PRNP: variants seen among roughly 807,000 people sequenced by gnomAD.
The protein encoded by PRNP is major prion protein.
Under a neutral mutation model 21.3 loss-of-function variants are expected in PRNP, and 15 were observed. The ratio of observed to expected loss-of-function variants is 0.71; its 90% CI spans 0.47 to 1.09. The LOEUF (loss-of-function observed/expected upper bound fraction) is 1.09, where lower values mean the gene tolerates loss of function less well. Ranked by LOEUF, PRNP falls within the 50% of genes least tolerant of loss-of-function variation. PRNP has a pLI of 0.00. For synonymous variants in PRNP, 121 were observed against 123.1 expected (o/e 0.98, Z 0.11); for missense variants, 285 against 340.9 (o/e 0.84, Z 1.29).
Position 4,701,453 on chromosome 20 carries a change from C to G in PRNP, c.*1471C>G, listed in dbSNP as rs1351060814. On this transcript the variant is annotated 3_prime_UTR_variant, in exon 2 of 2. Coordinates refer to ENST00000379440, the MANE Select transcript of PRNP (RefSeq NM_000311.5). The surrounding 1 kb of genome is among the most constrained non-coding windows in gnomAD (Gnocchi z 4.2). ...TCATGTAAGAATCCAAAGTGGACAC[C>G]ATTAACAGGTCTTTGAAATATGCAT... 2.4e-5 allele frequency: 4 copies of G among 167,000 alleles called. No individual in the cohort carries two copies. The highest frequency in any genetic ancestry group is 2.0e-4 in the Admixed American group (3 of 15,266). The allele number at this position is 167,000 out of a possible 1,614,324, so 10.3% of individuals were successfully genotyped here.
rs1922378268 is a variant in PRNP at position 4,699,297 on chromosome 20, C to G, written c.77C>G (p.Pro26Arg). 1 of 1,613,946 alleles carries G rather than the reference C, an allele frequency of 6.2e-7. No individual in the cohort carries two copies. Among genetic ancestry groups the G allele is most frequent in the Non-Finnish European group, 8.5e-7 (1 of 1,180,048 alleles). Residue 26 changes from proline to arginine, a missense_variant, in exon 2 of 2, where the codon CCG becomes CGG. Physicochemically the swap from Pro to Arg is moderately radical, Grantham distance 103. Coordinates refer to ENST00000379440, the MANE Select transcript of PRNP (RefSeq NM_000311.5). This position sits in a 1 kb window ranked among gnomAD's most constrained non-coding sequence, Gnocchi z 5.8. Reference protein sequence around the residue: ...WSDLGLCKKRPKPGGWNTGGS... With the variant: ...WSDLGLCKKRRKPGGWNTGGS... ...GACCTGGGCCTCTGCAAGAAGCGCC[C>G]GAAGCCTGGAGGATGGAACACTGGG...
rs966503161 is a variant in PRNP at position 4,697,132 on chromosome 20, A to G, written c.-10-2079A>G. Among the ~76,000 whole-genome samples, 10 of 152,354 alleles carry G rather than the reference A, an allele frequency of 6.6e-5. No individual in the cohort carries two copies. The highest frequency in any genetic ancestry group is 2.4e-4 in the African/African-American group (10 of 41,582). On this transcript the variant is annotated intron_variant, in intron 1 of 1. Transcript: ENST00000379440. This position sits in a 1 kb window ranked among gnomAD's most constrained non-coding sequence, Gnocchi z 4.6. ...TTTATTTAACTGAATTGAAAATGTT[A>G]GCTGGCCATTGTCAAAAATACTATT...
chr20:4,687,264 G>T (rs1373668248), intron 1 of PRNP, among the ~76,000 whole-genome samples: 1 of 152,220 alleles, frequency 6.6e-6, no homozygotes, highest in East Asian at 1.9e-4. Context: ...GGGCCTCGGC[G>T]GGGGCGGGGT....
In PRNP at chr20:4,699,795, C is replaced by G; in HGVS notation, c.575C>G (p.Thr192Ser). 6.2e-7 allele frequency: 1 copy of G among 1,613,948 alleles called. No individual in the cohort carries two copies. Among genetic ancestry groups the G allele is most frequent in the Non-Finnish European group, 8.5e-7 (1 of 1,179,992 alleles). The change falls in exon 2 of 2, where the codon ACC (threonine) becomes AGC (serine). Residue 192 changes from threonine to serine, a missense_variant. By Grantham distance (58) the Thr-to-Ser change is moderately conservative. Transcript: ENST00000379440. This position sits in a 1 kb window ranked among gnomAD's most constrained non-coding sequence, Gnocchi z 5.8. ...ATCAAGCAGCACACGGTCACCACAA[C>G]CACCAAGGGGGAGAACTTCACCGAG... is the stretch of plus-strand genomic sequence containing the variant. ...ITIKQHTVTT[T>S]TKGENFTETD...
rs1922587735 is a variant in PRNP, at chr20:4,701,183, T to C, written c.*1201T>C. 1 of 166,924 alleles carries C rather than the reference T, an allele frequency of 6.0e-6. No individual in the cohort carries two copies. Among genetic ancestry groups the C allele is most frequent in the South Asian group, 2.1e-4 (1 of 4,834 alleles). 10.3% of individuals were successfully genotyped at this position (166,924 alleles called of 1,614,324 possible). On this transcript the variant is annotated 3_prime_UTR_variant, in exon 2 of 2. Transcript: ENST00000379440. The surrounding 1 kb of genome is among the most constrained non-coding windows in gnomAD (Gnocchi z 4.2). ...AAATTATTCCCTGAATTGTTTGATA[T>C]TGTCACCTAGCAGATATGTATTACT...
At chr20:4,694,617 C>T (rs1053083243) in intron 1 of PRNP, among the ~76,000 whole-genome samples, 19 of 152,064 alleles carry the variant, frequency 1.2e-4, no homozygotes, top group Admixed American at 9.8e-4. Context: ...AGAAATTCCA[C>T]ATTTTTGTGG....
rs1922352522 is a variant in PRNP at position 4,699,035 on chromosome 20, G to A, written c.-10-176G>A. On this transcript the variant is annotated intron_variant, in intron 1 of 1. Coordinates refer to ENST00000379440, the MANE Select transcript of PRNP (RefSeq NM_000311.5). This position sits in a 1 kb window ranked among gnomAD's most constrained non-coding sequence, Gnocchi z 5.8. ...TCCTTGGAGCAGGAGAAAGAGTTGTGTTCACCCTTTTCTTACTTTTGCTTT... is the reference window on the plus strand; with the variant it reads ...TCCTTGGAGCAGGAGAAAGAGTTGTATTCACCCTTTTCTTACTTTTGCTTT... 6.6e-6 allele frequency among the ~76,000 whole-genome samples: 1 copy of A among 152,166 alleles called. No homozygotes were observed. Among genetic ancestry groups the A allele is most frequent in the African/African-American group, 2.4e-5 (1 of 41,424 alleles).
chr20:4,687,736 C>T (rs1921568734), intron 1 of PRNP, among the ~76,000 whole-genome samples: 1 of 152,148 alleles, frequency 6.6e-6, no homozygotes, highest in South Asian at 2.1e-4. Flanking sequence ...TCTTCATGGC[C>T]GCGTTATTTT....
chr20:4,691,256 C>T (rs1482211911), intron 1 of PRNP, among the ~76,000 whole-genome samples: 1 of 152,122 alleles, frequency 6.6e-6, no homozygotes, highest in Non-Finnish European at 1.5e-5. Flanking sequence ...TCCATAGAAT[C>T]CCTATCAAAA....
chr20:4,687,013 G>GC lies in PRNP; in HGVS notation c.-11+502dup, dbSNP rs1020067306. On this transcript the variant is annotated intron_variant, in intron 1 of 1. Transcript: ENST00000379440. ...AGATCGGGGCCCAGAACGCCCCTTG[G>GC]CAAGGCCTGGCGCTTCCGCGATGCC... 3.0e-3 allele frequency among the ~76,000 whole-genome samples: 454 copies of GC among 152,072 alleles called. 3 individuals carry two copies. The highest frequency in any genetic ancestry group is 0.01 in the African/African-American group (416 of 41,518).
intron 1 of PRNP, among the ~76,000 whole-genome samples, chr20:4,687,732 T>C (rs1344473328): frequency 6.6e-6 from 1 of 152,218 alleles, no homozygotes; most frequent in East Asian, 1.9e-4. Flanking sequence ...AGGATCTTCA[T>C]GGCCGCGTTA....
chr20:4,700,271 G>T lies in PRNP; in HGVS notation c.*289G>T. ...TAATCTGGACTTATTTTTGGACTTA[G>T]TGCAACAGGTTGAGGCTAAAACAAA... is the stretch of plus-strand genomic sequence containing the variant. On this transcript the variant is annotated 3_prime_UTR_variant, in exon 2 of 2. Transcript: ENST00000379440. The surrounding 1 kb of genome is among the most constrained non-coding windows in gnomAD (Gnocchi z 4.1). The T allele has an allele frequency of 1.1e-6, 1 of 876,888 alleles. No homozygotes were observed. The allele number at this position is 876,888 out of a possible 1,614,324, so 54.3% of individuals were successfully genotyped here. A position where few individuals can be genotyped will look rare whatever the true frequency, so the allele number is the denominator to read the frequency against.
chr20:4,687,735 C>A (rs932109311), intron 1 of PRNP, among the ~76,000 whole-genome samples: 1 of 152,188 alleles, frequency 6.6e-6, no homozygotes, highest in Non-Finnish European at 1.5e-5. Context: ...ATCTTCATGG[C>A]CGCGTTATTT....
Position 4,693,942 on chromosome 20 carries a change from C to CACA in PRNP, c.-10-5268_-10-5267insCAA, listed in dbSNP as rs1555781389. 7.2e-5 allele frequency among the ~76,000 whole-genome samples: 9 copies of CACA among 124,368 alleles called. No individual in the cohort carries two copies. In the South Asian group the frequency reaches 1.9e-3, roughly 27 times the overall value. 81.6% of individuals were successfully genotyped at this position (124,368 alleles called of 152,430 possible). A position where few individuals can be genotyped will look rare whatever the true frequency, so the allele number is the denominator to read the frequency against. ...CAAGACCCCATCACTATTAAAAATACAAAAAAAAAAAAAACCAGGCGTGGT... is the reference window on the plus strand; with the variant it reads ...CAAGACCCCATCACTATTAAAAATACACAAAAAAAAAAAAAAACCAGGCGTGGT... On this transcript the variant is annotated intron_variant, in intron 1 of 1. Transcript: ENST00000379440.
rs1434270521 is a variant in PRNP at position 4,699,684 on chromosome 20, A to G, written c.464A>G (p.His155Arg). The stretch of plus-strand genomic sequence containing the variant: ...GACCGTTACTATCGTGAAAACATGC[A>G]CCGTTACCCCAACCAAGTGTACTAC... The part of the protein sequence containing the change: ...YEDRYYRENM[H>R]RYPNQVYYRP... The change falls in exon 2 of 2, where the codon CAC (histidine) becomes CGC (arginine). Residue 155 changes from histidine (H) to arginine (R), a missense_variant. Transcript: ENST00000379440. This position sits in a 1 kb window ranked among gnomAD's most constrained non-coding sequence, Gnocchi z 5.8. 1 of 1,613,840 alleles carries G rather than the reference A, an allele frequency of 6.2e-7. No homozygotes were observed. The highest frequency in any genetic ancestry group is 8.5e-7 in the Non-Finnish European group (1 of 1,179,992).
rs200294214 is a variant in PRNP, at chr20:4,699,751, C to T, written c.531C>T (p.His177=). 7.6e-5 allele frequency: 123 copies of T among 1,614,024 alleles called. No individual in the cohort carries two copies. Among genetic ancestry groups the T allele is most frequent in the Non-Finnish European group, 9.6e-5 (113 of 1,180,010 alleles). ...ACAGCAACCAGAACAACTTTGTGCACGACTGCGTCAATATCACAATCAAGC... is the reference window on the plus strand; with the variant it reads ...ACAGCAACCAGAACAACTTTGTGCATGACTGCGTCAATATCACAATCAAGC... ...DEYSNQNNFV[H]DCVNITIKQH... Residue 177 remains histidine, a synonymous_variant, in exon 2 of 2, where the codon CAC becomes CAT. Transcript: ENST00000379440. This position sits in a 1 kb window ranked among gnomAD's most constrained non-coding sequence, Gnocchi z 5.8.
intron 1 of PRNP, among the ~76,000 whole-genome samples, chr20:4,689,554 A>G (rs1921688611): frequency 6.6e-6 from 1 of 152,244 alleles, no homozygotes; most frequent in Non-Finnish European, 1.5e-5. Flanking sequence ...GCTGTCAACC[A>G]ACTAGCCAAA....
At chr20:4,696,807 C>A (rs1922198579) in intron 1 of PRNP, among the ~76,000 whole-genome samples, 2 of 152,146 alleles carry the variant, frequency 1.3e-5, no homozygotes. Flanking sequence ...GATGTATAGG[C>A]CCCCAGACAT....
Position 4,699,302 on chromosome 20 carries a change from C to G in PRNP, c.82C>G (p.Pro28Ala). 6.2e-7 allele frequency: 1 copy of G among 1,614,092 alleles called. No homozygotes were observed. The highest frequency in any genetic ancestry group is 8.5e-7 in the Non-Finnish European group (1 of 1,180,046). ...DLGLCKKRPK[P>A]GGWNTGGSRY... The stretch of plus-strand genomic sequence containing the variant: ...GGGCCTCTGCAAGAAGCGCCCGAAG[C>G]CTGGAGGATGGAACACTGGGGGCAG... The change falls in exon 2 of 2, where the codon CCT becomes GCT. Residue 28 changes from proline (P) to alanine (A), a missense_variant. Transcript: ENST00000379440. This position sits in a 1 kb window ranked among gnomAD's most constrained non-coding sequence, Gnocchi z 5.8.
Sources: allele counts gnomAD v4.1 joint callset (sites outside exome capture counted in the v4.1 genomes callset), GRCh38; gene constraint gnomAD v4.1.1; non-coding constraint Gnocchi (gnomAD v3.1); transcripts MANE v1.5; gene names NCBI Gene and HGNC (gene_info 2026-07-23, HGNC 2026-07-21).